Variants in DTWD2 observed in about 807,000 individuals in gnomAD.
DTWD2 encodes tRNA-uridine aminocarboxypropyltransferase 2.
Under a neutral mutation model 31.8 loss-of-function variants are expected in DTWD2, and 39 were observed. The observed-to-expected ratio is 1.22, with a 90% CI of 0.95 to 1.60. The LOEUF (loss-of-function observed/expected upper bound fraction) is 1.60. Among genes scored for constraint, DTWD2 ranks in the 40% most tolerant of loss-of-function variants. DTWD2 has a pLI of 0.00. For missense variants in DTWD2, 515 were observed against 381.5 expected (o/e 1.35, Z -2.92); for synonymous variants, 180 against 142.8 (o/e 1.26, Z -1.86).
intron 1 of DTWD2, among the ~76,000 whole-genome samples, chr5:118,957,930 T>C (rs73239094): frequency 0.01 from 1,536 of 152,246 alleles, 33 homozygotes; most frequent in African/African-American, 0.035. Flanking sequence ...TGATATCTAG[T>C]TTTGTGTATG....
At position 118,875,563 on chromosome 5, in the gene DTWD2, GAAAAAAAA is replaced by G. The variant is rs34990814; in HGVS notation, c.598-27353_598-27346del. Among the ~76,000 whole-genome samples, 4 of 44,554 alleles carry G rather than the reference GAAAAAAAA, an allele frequency of 9.0e-5. No homozygotes were observed. The East Asian group carries it at 2.2e-3, about 25-fold the overall frequency. 29.2% of individuals were successfully genotyped at this position (44,554 alleles called of 152,430 possible). The stretch of plus-strand genomic sequence containing the variant: ...GGTAGGGGTTGCAATCCTAGTTTCT[GAAAAAAAA>G]AAAAAAAAAAAAAAGACTTTAAACC... On this transcript the variant is annotated intron_variant, in intron 4 of 5. Transcript: ENST00000510708.
chr5:118,960,246 A>G (rs1754676537), intron 1 of DTWD2, among the ~76,000 whole-genome samples: 2 of 152,288 alleles, frequency 1.3e-5, no homozygotes, highest in Non-Finnish European at 1.5e-5. Flanking sequence ...CAAGCAAAAA[A>G]AACCCATTAA....
chr5:118,864,694 G>A (rs1752345032), intron 4 of DTWD2, among the ~76,000 whole-genome samples: 2 of 150,148 alleles, frequency 1.3e-5, no homozygotes, highest in Admixed American at 1.3e-4. Flanking sequence ...TAGGGTACAT[G>A]TGTGTGTACT....
chr5:118,976,549 ATACTC>A (rs1330463751), intron 1 of DTWD2, among the ~76,000 whole-genome samples: 1 of 152,248 alleles, frequency 6.6e-6, no homozygotes, highest in Admixed American at 6.5e-5. Context: ...CCATCAAAGA[ATACTC>A]TAAACACCTC....
chr5:118,879,060 A>G (rs1473829558), intron 4 of DTWD2, among the ~76,000 whole-genome samples: 1 of 152,220 alleles, frequency 6.6e-6, no homozygotes, highest in Non-Finnish European at 1.5e-5. Context: ...CAGCTCAATC[A>G]CTGTGAAAGG....
chr5:118,962,488 C>T (rs1754728438), intron 1 of DTWD2, among the ~76,000 whole-genome samples: 3 of 151,976 alleles, frequency 2.0e-5, no homozygotes. Context: ...GCCGCATTAA[C>T]ACATGAAAAA....
At chr5:118,956,050 T>C (rs1355409145) in intron 1 of DTWD2, among the ~76,000 whole-genome samples, 3 of 152,330 alleles carry the variant, frequency 2.0e-5, no homozygotes, top group East Asian at 1.9e-4. Flanking sequence ...TGTCTTGCTA[T>C]GTGACCTTGG....
chr5:118,964,171 T>C (rs1446657776), intron 1 of DTWD2, among the ~76,000 whole-genome samples: 2 of 148,696 alleles, frequency 1.3e-5, no homozygotes, highest in Non-Finnish European at 3.0e-5. Context: ...TGAGCCGAGA[T>C]TGCACCACTA....
rs147049765 is a variant in DTWD2 at position 118,983,603 on chromosome 5, T to C, written c.218+4691A>G. ...AGAATAAGGAAAAGGTAATGATATG[T>C]GGAATTAAAAAGCCAGAGAAAATAC... On this transcript the variant is annotated intron_variant, in intron 1 of 5. Transcript: ENST00000510708. 8.7e-4 allele frequency among the ~76,000 whole-genome samples: 132 copies of C among 152,232 alleles called. 2 individuals are homozygous for C. Among genetic ancestry groups the C allele is most frequent in the African/African-American group, 2.9e-3 (122 of 41,536 alleles).
chr5:118,891,719 T>C (rs1752981291), intron 4 of DTWD2, among the ~76,000 whole-genome samples: 1 of 152,214 alleles, frequency 6.6e-6, no homozygotes, highest in African/African-American at 2.4e-5. Context: ...ACACAGTCTA[T>C]AAGATACACT....
chr5:118,934,272 T>TA (rs397999089), intron 3 of DTWD2, among the ~76,000 whole-genome samples: 3,618 of 23,368 alleles, frequency 0.15, 606 homozygotes, highest in Non-Finnish European at 0.2. Context: ...TTGTCTCCAT[T>TA]AAAAAAAAAA....
At chr5:118,914,847 T>C (rs1753537639) in intron 4 of DTWD2, among the ~76,000 whole-genome samples, 1 of 152,226 alleles carries the variant, frequency 6.6e-6, no homozygotes, top group Non-Finnish European at 1.5e-5. Context: ...AGTAAGGCCA[T>C]TTGGCTAGCA....
chr5:118,843,014 T>C lies in DTWD2; in HGVS notation c.727-1927A>G, dbSNP rs13157582. Among the ~76,000 whole-genome samples, 9 of 145,502 alleles carry C rather than the reference T, an allele frequency of 6.2e-5. No homozygotes were observed. In the South Asian group the frequency reaches 1.8e-3, roughly 29 times the overall value. ...TTCTGTCACCCAGGCTGGAGTGCAGTGGCACAATCTCAGCTCACTGCAACC... is the reference window on the plus strand; with the variant it reads ...TTCTGTCACCCAGGCTGGAGTGCAGCGGCACAATCTCAGCTCACTGCAACC... On this transcript the variant is annotated intron_variant, in intron 5 of 5. Coordinates refer to ENST00000510708, the MANE Select transcript of DTWD2 (RefSeq NM_173666.4).
intron 4 of DTWD2, among the ~76,000 whole-genome samples, chr5:118,927,056 GA>G (rs1753824611): frequency 6.6e-6 from 1 of 152,178 alleles, no homozygotes; most frequent in Non-Finnish European, 1.5e-5. Flanking sequence ...CTCACATGCA[GA>G]GAGAGACAGA....
At chr5:118,910,500 T>C (rs948469497) in intron 4 of DTWD2, among the ~76,000 whole-genome samples, 1 of 152,220 alleles carries the variant, frequency 6.6e-6, no homozygotes, top group Admixed American at 6.5e-5. Context: ...TTAGGCCATC[T>C]CTAAGAAAAC....
intron 1 of DTWD2, among the ~76,000 whole-genome samples, chr5:118,983,059 G>A (rs1320996754): frequency 3.9e-5 from 6 of 152,058 alleles, no homozygotes; most frequent in Non-Finnish European, 8.8e-5. Context: ...ACTACCCTAG[G>A]AATTACCATT....
At chr5:118,845,078 C>G (rs1751819022) in intron 5 of DTWD2, among the ~76,000 whole-genome samples, 1 of 151,914 alleles carries the variant, frequency 6.6e-6, no homozygotes, top group Non-Finnish European at 1.5e-5. Context: ...ACCCAGGAGG[C>G]AGAAGTTGCA....
intron 3 of DTWD2, among the ~76,000 whole-genome samples, chr5:118,930,556 G>C (rs1753900902): frequency 6.6e-6 from 1 of 152,034 alleles, no homozygotes; most frequent in African/African-American, 2.4e-5. Context: ...AAAAAGAAAA[G>C]TAACCATCTT....
chr5:118,912,281 G>A (rs537075211), intron 4 of DTWD2, among the ~76,000 whole-genome samples: 113 of 152,316 alleles, frequency 7.4e-4, no homozygotes, highest in African/African-American at 2.6e-3. Context: ...TGGCAGGAGT[G>A]ATTTCCACCC....
Sources: allele counts gnomAD v4.1 joint callset (sites outside exome capture counted in the v4.1 genomes callset), GRCh38; gene constraint gnomAD v4.1.1; transcripts MANE v1.5; gene names NCBI Gene and HGNC (gene_info 2026-07-23, HGNC 2026-07-21).